Variants in NOC3L observed in about 807,000 individuals in gnomAD.
NOC3L encodes the protein NOC3 like DNA replication regulator.
NOC3L carries 85 observed loss-of-function variants against 102.5 expected under a neutral mutation model. The ratio of observed to expected loss-of-function variants is 0.83; its 90% CI spans 0.70 to 0.99. NOC3L has a LOEUF of 0.99. Among genes scored for constraint, NOC3L ranks in the 50% least tolerant of loss-of-function variants. The pLI is 0.00. For synonymous variants in NOC3L, 303 were observed against 309.4 expected (o/e 0.98, Z 0.22); for missense variants, 878 against 914.9 (o/e 0.96, Z 0.52).
chr10:94,351,493 AC>A (rs1395210561), intron 8 of NOC3L, among the ~76,000 whole-genome samples: 2 of 152,190 alleles, frequency 1.3e-5, no homozygotes, highest in Non-Finnish European at 2.9e-5. Flanking sequence ...CATTTTCAAG[AC>A]ATGCAAATAT....
chr10:94,348,051 A>C (rs1406933117), intron 10 of NOC3L, among the ~76,000 whole-genome samples: 1 of 151,384 alleles, frequency 6.6e-6, no homozygotes, highest in Admixed American at 6.6e-5. Flanking sequence ...ACAATAATTA[A>C]GCAGCATTTT....
rs748820723 is a variant in NOC3L at position 94,344,506 on chromosome 10, T to A, written c.1480A>T (p.Thr494Ser). ...TAGGTTACAAACACAATATTCAGAG[T>A]CTCTGTGTGCTGGCAGAGGAGACAG... is the stretch of plus-strand genomic sequence containing the variant. Reference protein sequence around the residue: ...TEKKLKLHTETLNIVFVTYFR... With the variant: ...TEKKLKLHTESLNIVFVTYFR... Residue 494 changes from threonine (T) to serine (S), a missense_variant, in exon 13 of 21, where the codon ACT becomes TCT. Thr to Ser is a moderately conservative substitution (Grantham distance 58). Transcript: ENST00000371361. 1.9e-6 allele frequency: 3 copies of A among 1,611,640 alleles called. No homozygotes were observed. Among genetic ancestry groups the A allele is most frequent in the South Asian group, 2.2e-5 (2 of 90,880 alleles).
At chr10:94,361,265 A>G (rs12780491) in intron 2 of NOC3L, 38,874 of 166,150 alleles carry the variant, frequency 0.23, 4,706 homozygotes, top group Middle Eastern at 0.41. Flanking sequence ...GAAGTTTAGA[A>G]GTGTACCTTG....
the NOC3L span, among the ~76,000 whole-genome samples, chr10:94,323,120 AG>A: frequency 6.6e-6 from 1 of 152,186 alleles, no homozygotes; most frequent in African/African-American, 2.4e-5. Flanking sequence ...GAAATACCTA[AG>A]CCAGTAGGTA....
At chr10:94,335,195 T>C (rs1328852561) in intron 19 of NOC3L, among the ~76,000 whole-genome samples, 1 of 152,170 alleles carries the variant, frequency 6.6e-6, no homozygotes, top group African/African-American at 2.4e-5. Context: ...CCTTAATGAT[T>C]TGGAATTAGT....
intron 13 of NOC3L, among the ~76,000 whole-genome samples, chr10:94,343,539 T>C (rs1297047176): frequency 1.3e-5 from 2 of 152,274 alleles, no homozygotes; most frequent in Non-Finnish European, 2.9e-5. Flanking sequence ...TAATTTCTTA[T>C]GATAAACAGA....
rs72814643 is a variant in NOC3L, at chr10:94,340,513, G to T, written c.1645-17C>A. On this transcript the variant is annotated splice_polypyrimidine_tract_variant and intron_variant, in intron 14 of 20. Transcript: ENST00000371361. ...GCTTAGGTCCTTTAAAAAAAAAAGG[G>T]GGGGGTGAGGGGGATGGAATATTAA... 3.8e-4 allele frequency: 504 copies of T among 1,313,450 alleles called. 9 individuals carry two copies. The African/African-American group carries it at 6.1e-3, about 16-fold the overall frequency. The allele number at this position is 1,313,450 out of a possible 1,614,324, so 81.4% of individuals were successfully genotyped here. A position where few individuals can be genotyped will look rare whatever the true frequency, so the allele number is the denominator to read the frequency against.
chr10:94,357,194 G>A lies in NOC3L; in HGVS notation c.488C>T (p.Pro163Leu). ...LPIKDKSGII[P>L]QTREKPVTDS... The stretch of plus-strand genomic sequence containing the variant: ...CTCACCTGGCTTCTCCCTAGTCTGT[G>A]GGATTATACCACTTTTATCTTTGAT... Residue 163 changes from proline (P) to leucine (L), a missense_variant, in exon 4 of 21, where the codon CCA (proline) becomes CTA (leucine). By Grantham distance (98) the Pro-to-Leu change is moderately conservative. Coordinates refer to ENST00000371361, the MANE Select transcript of NOC3L (RefSeq NM_022451.11). 1.3e-6 allele frequency: 2 copies of A among 1,590,044 alleles called. No homozygotes were observed. Among genetic ancestry groups the A allele is most frequent in the South Asian group, 2.3e-5 (2 of 86,226 alleles).
the NOC3L span, among the ~76,000 whole-genome samples, chr10:94,319,113 G>A: frequency 6.6e-6 from 1 of 152,156 alleles, no homozygotes; most frequent in East Asian, 1.9e-4. Flanking sequence ...CCAAAAGGCT[G>A]GTAAAGGAAG....
chr10:94,335,412 T>C (rs117594271), intron 19 of NOC3L, among the ~76,000 whole-genome samples: 4 of 151,880 alleles, frequency 2.6e-5, no homozygotes, highest in Non-Finnish European at 5.9e-5. Flanking sequence ...TTATGAAGAG[T>C]GACAAAGAAT....
chr10:94,358,154 A>C lies in NOC3L; in HGVS notation c.279T>G (p.Asp93Glu). 1 of 1,611,534 alleles carries C rather than the reference A, an allele frequency of 6.2e-7. No individual in the cohort carries two copies. Among genetic ancestry groups the C allele is most frequent in the Non-Finnish European group, 8.5e-7 (1 of 1,178,434 alleles). ...CCTTCATTAACTGTAAGTCATCTTCATCCATCATATCTAAAGGAAGGGCTT... is the reference window on the plus strand; with the variant it reads ...CCTTCATTAACTGTAAGTCATCTTCCTCCATCATATCTAAAGGAAGGGCTT... ...EEEALPLDMM[D>E]EDDLQLMKDL... is the part of the protein sequence containing the mutation. The change falls in exon 3 of 21, where the codon GAT (aspartate) becomes GAG (glutamate). Residue 93 changes from aspartate (D) to glutamate (E), a missense_variant. Transcript: ENST00000371361.
At chr10:94,325,998 C>T in the NOC3L span, among the ~76,000 whole-genome samples, 6 of 152,152 alleles carry the variant, frequency 3.9e-5, no homozygotes, top group Non-Finnish European at 7.3e-5. Context: ...TTGATAGTCA[C>T]ACAAATTTCA....
chr10:94,322,120 G>C, the NOC3L span: 2 of 1,459,776 alleles, frequency 1.4e-6, no homozygotes, highest in Admixed American at 3.4e-5. Context: ...TGGAACAAAT[G>C]TCTGTGCACT....
chr10:94,349,285 A>G lies in NOC3L; in HGVS notation c.1222T>C (p.Phe408Leu). Residue 408 changes from phenylalanine (F) to leucine (L), a missense_variant, in exon 10 of 21, where the codon TTT becomes CTT. Transcript: ENST00000371361. ...SLGVIKVISGFVKGRNYEVRP... is the reference protein window; with the variant it reads ...SLGVIKVISGLVKGRNYEVRP... ...ACTTCGTAATTTCTGCCCTTCACAA[A>G]ACCAGAAATCACTTTAATTACACCA... 1 of 1,584,516 alleles carries G rather than the reference A, an allele frequency of 6.3e-7. No individual in the cohort carries two copies. The highest frequency in any genetic ancestry group is 8.5e-7 in the Non-Finnish European group (1 of 1,171,464).
chr10:94,331,435 T>C (rs540603746), downstream of NOC3L: 1 of 152,364 alleles, frequency 6.6e-6, no homozygotes, highest in East Asian at 1.9e-4. Flanking sequence ...AGGGCTTGCT[T>C]ACTGGCCCAA....
At chr10:94,340,520 G>A (rs779461890) in intron 14 of NOC3L, 24 bp from the exon 15 acceptor site, 13 of 936,384 alleles carry the variant, frequency 1.4e-5, no homozygotes, top group Non-Finnish European at 1.9e-5. Context: ...AGGGGGGGGT[G>A]AGGGGGATGG....
At chr10:94,332,749 G>A (rs1336479165), downstream of NOC3L, 1 of 152,142 alleles carries the variant, frequency 6.6e-6, no homozygotes, top group Non-Finnish European at 1.5e-5. Context: ...TTCACCAGAA[G>A]TATAGTTTCT....
the NOC3L span, chr10:94,322,081 A>G: frequency 6.2e-7 from 1 of 1,609,280 alleles, no homozygotes; most frequent in Non-Finnish European, 8.5e-7. Context: ...TCCCTTCCTC[A>G]CCTGAGTCCT....
At chr10:94,320,915 G>T in the NOC3L span, among the ~76,000 whole-genome samples, 1 of 152,162 alleles carries the variant, frequency 6.6e-6, no homozygotes, top group Non-Finnish European at 1.5e-5. Context: ...GGGGTATTTT[G>T]TGGCGAATAA....
Sources: gnomAD v4.1 joint callset for allele counts (sites outside exome capture counted in the v4.1 genomes callset) on GRCh38, gnomAD v4.1.1 for gene constraint, MANE v1.5 for transcripts, NCBI Gene and HGNC (gene_info 2026-07-23, HGNC 2026-07-21) for gene names.